The following DCBLD1 variants were observed in gnomAD, a reference collection of about 807,000 sequenced individuals.
The protein encoded by DCBLD1 is discoidin, CUB and LCCL domain containing 1.
DCBLD1 carries 57 observed loss-of-function variants against 71.5 expected under a neutral mutation model. The ratio of observed to expected loss-of-function variants is 0.80; its 90% CI spans 0.64 to 0.99. The LOEUF (loss-of-function observed/expected upper bound fraction) is 0.99. Among genes scored for constraint, DCBLD1 ranks in the 50% least tolerant of loss-of-function variants. The pLI is 0.00. For synonymous variants in DCBLD1, 380 were observed against 363.8 expected (o/e 1.04, Z -0.51); for missense variants, 891 against 923.5 (o/e 0.96, Z 0.46).
At chr6:117,505,973 C>T (rs1000051632) in intron 2 of DCBLD1, among the ~76,000 whole-genome samples, 6 of 152,060 alleles carry the variant, frequency 3.9e-5, no homozygotes, top group African/African-American at 7.2e-5. Flanking sequence ...GCAATTCATT[C>T]GCAGCAATAA....
At chr6:117,513,318 T>C (rs1208513963) in intron 2 of DCBLD1, among the ~76,000 whole-genome samples, 1 of 152,172 alleles carries the variant, frequency 6.6e-6, no homozygotes, top group African/African-American at 2.4e-5. Flanking sequence ...TGACCTACTG[T>C]GCTCAAAGAA....
rs1402799495 is a variant in DCBLD1, at chr6:117,549,054, A to G, written c.*615A>G. The G allele has an allele frequency of 3.0e-6, 3 of 986,278 alleles. No individual in the cohort carries two copies. The highest frequency in any genetic ancestry group is 3.5e-5 in the African/African-American group (2 of 57,364). The allele number at this position is 986,278 out of a possible 1,614,324, so 61.1% of individuals were successfully genotyped here. A position where few individuals can be genotyped will look rare whatever the true frequency, so the allele number is the denominator to read the frequency against. On this transcript the variant is annotated 3_prime_UTR_variant, in exon 15 of 15. Transcript: ENST00000338728. ...CACCAGGGTGGTTGTTTATTTAGCA[A>G]TTATGACTGTAGATTTAAAAACAAG...
rs773771162 is a variant in DCBLD1, at chr6:117,540,825, A to AG, written c.1249+13dup. On this transcript the variant is annotated intron_variant, in intron 10 of 14. Transcript: ENST00000338728. ...TGCCAGATTACACAAGGTAGGGCTC[A>AG]GGGCAAGCCAGTGAGTTACTCAAGT... is the stretch of plus-strand genomic sequence containing the variant. 30 of 1,614,178 alleles carry AG rather than the reference A, an allele frequency of 1.9e-5. No individual in the cohort carries two copies. The highest frequency in any genetic ancestry group is 8.3e-5 in the Admixed American group (5 of 60,024).
At chr6:117,522,534 A>G (rs1427640115) in intron 4 of DCBLD1, among the ~76,000 whole-genome samples, 1 of 151,904 alleles carries the variant, frequency 6.6e-6, no homozygotes, top group African/African-American at 2.4e-5. Flanking sequence ...CTCAAACTCC[A>G]GGGCTCAAAG....
At chr6:117,543,572 T>A (rs896772606) in intron 12 of DCBLD1, among the ~76,000 whole-genome samples, 2 of 152,142 alleles carry the variant, frequency 1.3e-5, no homozygotes, top group Non-Finnish European at 2.9e-5. Flanking sequence ...GGGATCTTGC[T>A]TTCTCACCCA....
chr6:117,541,893 T>C (rs1779107776), intron 11 of DCBLD1, among the ~76,000 whole-genome samples: 1 of 152,210 alleles, frequency 6.6e-6, no homozygotes, highest in African/African-American at 2.4e-5. Context: ...CAATTATTAA[T>C]GTCTTTATAG....
intron 9 of DCBLD1, 164 bp from the exon 10 acceptor site, chr6:117,540,504 C>A: frequency 4.1e-6 from 3 of 730,042 alleles, no homozygotes; most frequent in Non-Finnish European, 6.6e-6. Flanking sequence ...GATAAATTGG[C>A]CCTTGTTTGC....
chr6:117,563,250 CAATTT>C, intron 14 of DCBLD1: 1 of 1,611,540 alleles, frequency 6.2e-7, no homozygotes, highest in Non-Finnish European at 8.5e-7. Context: ...GAGATATGGT[CAATTT>C]AATAAGATTT....
In DCBLD1 at chr6:117,503,858, C is replaced by T. The variant is rs760656181; in HGVS notation, c.204C>T (p.Cys68=). 3.5e-5 allele frequency: 57 copies of T among 1,614,022 alleles called. No homozygotes were observed. Among genetic ancestry groups the T allele is most frequent in the South Asian group, 7.7e-5 (7 of 91,084 alleles). ...YPGTYPNHTV[C]EKTITVPKGK... ...GGACCTACCCCAATCACACTGTTTG[C>T]GAAAAGACAATTACAGTACCAAAGG... is the stretch of plus-strand genomic sequence containing the variant. Residue 68 remains cysteine, a synonymous_variant, in exon 2 of 15, where the codon TGC becomes TGT. Transcript: ENST00000338728.
intron 1 of DCBLD1, among the ~76,000 whole-genome samples, chr6:117,495,239 A>G (rs1045065671): frequency 1.3e-5 from 2 of 152,182 alleles, no homozygotes; most frequent in African/African-American, 4.8e-5. Flanking sequence ...ATGGTTGGTA[A>G]TTTTACAGAT....
intron 14 of DCBLD1, chr6:117,561,989 C>T (rs146511587): frequency 1.3e-3 from 265 of 207,048 alleles, no homozygotes; most frequent in Non-Finnish European, 1.8e-3. Context: ...TAGGCTTTCT[C>T]CCACTTAATA....
intron 9 of DCBLD1, chr6:117,540,327 A>G (rs531844175): frequency 9.1e-5 from 19 of 208,170 alleles, no homozygotes; most frequent in Non-Finnish European, 1.6e-4. Flanking sequence ...TCGGAAGGAA[A>G]TGGCAAAAGT....
At chr6:117,483,014 G>A (rs1776955729) in intron 1 of DCBLD1, 121 bp downstream of exon 1, 2 of 1,001,218 alleles carry the variant, frequency 2.0e-6, no homozygotes, top group Admixed American at 5.5e-5. Context: ...GGGACGGAGC[G>A]CGGGAGGAAG....
intron 1 of DCBLD1, among the ~76,000 whole-genome samples, chr6:117,494,031 G>C (rs1024883363): frequency 6.6e-6 from 1 of 152,102 alleles, no homozygotes; most frequent in African/African-American, 2.4e-5. Flanking sequence ...TATCAGATAT[G>C]GTTGTCATGA....
At chr6:117,510,509 C>T (rs898549943) in intron 2 of DCBLD1, among the ~76,000 whole-genome samples, 13 of 152,248 alleles carry the variant, frequency 8.5e-5, no homozygotes, top group East Asian at 5.8e-4. Context: ...GCATCAGTTT[C>T]GGGTTGGGAT....
intron 1 of DCBLD1, among the ~76,000 whole-genome samples, chr6:117,492,993 C>T (rs1296369978): frequency 2.6e-5 from 4 of 152,102 alleles, no homozygotes; most frequent in Admixed American, 6.5e-5. Context: ...AACTATAGAT[C>T]GTGGAACTTA....
chr6:117,542,833 T>G (rs1779144756), intron 11 of DCBLD1, among the ~76,000 whole-genome samples: 3 of 152,002 alleles, frequency 2.0e-5, no homozygotes, highest in Admixed American at 2.0e-4. Flanking sequence ...CATTTCAGAT[T>G]TTTGGAGTTT....
Position 117,566,899 on chromosome 6 carries a change from C to T in DCBLD1, c.1616-2721C>T, listed in dbSNP as rs768920031. On this transcript the variant is annotated intron_variant, in intron 14 of 14. Coordinates refer to the DCBLD1 transcript ENST00000296955. ...CCACTTGTGTCTTTGCAACTAGCACCAGGGTTACCACCTCCTTCTAACTCA... is the reference window on the plus strand; with the variant it reads ...CCACTTGTGTCTTTGCAACTAGCACTAGGGTTACCACCTCCTTCTAACTCA... 1.9e-6 allele frequency: 3 copies of T among 1,603,802 alleles called. No individual in the cohort carries two copies. The South Asian group carries it at 3.4e-5, about 18-fold the overall frequency.
At chr6:117,511,379 G>T (rs1053825930) in intron 2 of DCBLD1, among the ~76,000 whole-genome samples, 1 of 152,198 alleles carries the variant, frequency 6.6e-6, no homozygotes, top group African/African-American at 2.4e-5. Flanking sequence ...TTTACTATAG[G>T]ATCCTAATGG....
Sources: allele counts gnomAD v4.1 joint callset (sites outside exome capture counted in the v4.1 genomes callset), GRCh38; gene constraint gnomAD v4.1.1; transcripts MANE v1.5; gene names NCBI Gene and HGNC (gene_info 2026-07-23, HGNC 2026-07-21).